The following CHD9 variants were observed in gnomAD, a reference collection of about 807,000 sequenced individuals.
The protein encoded by CHD9 is ATP-dependent chromatin remodeler CHD9.
A neutral mutation model predicts 316.1 loss-of-function variants in CHD9; 77 were observed. That is an observed-to-expected ratio of 0.24 (90% CI 0.20 to 0.29). The LOEUF is 0.29. Among genes scored for constraint, CHD9 ranks in the 10% least tolerant of loss-of-function variants. CHD9 has a pLI of 1.00. For missense variants in CHD9, 2,763 were observed against 3,438.1 expected (o/e 0.80, Z 4.91); for synonymous variants, 1,129 against 1,158.3 (o/e 0.97, Z 0.51).
chr16:53,106,657 T>TACAC lies in CHD9; in HGVS notation c.-164-49249_-164-49246dup, dbSNP rs10538483. Among the ~76,000 whole-genome samples the TACAC allele has an allele frequency of 8.7e-3, 1,304 of 150,694 alleles. 14 individuals are homozygous for TACAC. Among genetic ancestry groups the TACAC allele is most frequent in the Middle Eastern group, 0.041 (12 of 292 alleles). On this transcript the variant is annotated intron_variant, in intron 1 of 38. Coordinates refer to ENST00000447540, the MANE Select transcript of CHD9 (RefSeq NM_001308319.2). ...TGCAACTGCCTCAGACACACATACA[T>TACAC]ACACACACACACACACACACACAGC...
intron 1 of CHD9, among the ~76,000 whole-genome samples, chr16:53,149,900 A>G (rs2040956576): frequency 6.6e-6 from 1 of 151,596 alleles, no homozygotes; most frequent in Non-Finnish European, 1.5e-5. Flanking sequence ...ATTTTGTTTG[A>G]TACTAATATC....
At chr16:53,060,360 C>A (rs559892818) in intron 1 of CHD9, among the ~76,000 whole-genome samples, 1 of 150,566 alleles carries the variant, frequency 6.6e-6, no homozygotes, top group Non-Finnish European at 1.5e-5. Flanking sequence ...ATGCCTGTAG[C>A]CCCAGCACTT....
At chr16:53,299,015 C>A in intron 30 of CHD9, 1 of 170,492 alleles carries the variant, frequency 5.9e-6, no homozygotes. Context: ...TTATCATTTT[C>A]AGACAAGAAT....
In CHD9 at chr16:53,065,985, G is replaced by A. The variant is rs563859175; in HGVS notation, c.-165+10908G>A. ...GCAAATCAGTAATCACAGATGTTGC[G>A]TGCAGTTCACTGATATCTACTCTCC... On this transcript the variant is annotated intron_variant, in intron 1 of 38. Transcript: ENST00000447540. 3.9e-5 allele frequency among the ~76,000 whole-genome samples: 6 copies of A among 152,228 alleles called. No individual in the cohort carries two copies. In the East Asian group the frequency reaches 1.2e-3, roughly 29 times the overall value.
At chr16:53,197,258 C>T (rs1037694564) in intron 2 of CHD9, among the ~76,000 whole-genome samples, 2 of 152,176 alleles carry the variant, frequency 1.3e-5, no homozygotes, top group Admixed American at 6.5e-5. Flanking sequence ...AATGAGATAA[C>T]ATTTAACAGA....
chr16:53,058,556 A>C (rs1329645444), intron 1 of CHD9, among the ~76,000 whole-genome samples: 5 of 152,244 alleles, frequency 3.3e-5, no homozygotes, highest in African/African-American at 1.2e-4. Context: ...TGGCAAGGCC[A>C]GGGGACTCAA....
rs765389436 is a variant in CHD9, at chr16:53,303,749, C to G, written c.5743C>G (p.Pro1915Ala). 4.3e-6 allele frequency: 7 copies of G among 1,610,474 alleles called. No homozygotes were observed. Among genetic ancestry groups the G allele is most frequent in the African/African-American group, 1.3e-5 (1 of 74,930 alleles). Residue 1915 changes from proline (P) to alanine (A), a missense_variant, in exon 31 of 39, where the codon CCC (proline) becomes GCC (alanine). This residue lies in a region of CHD9 where 663 missense variants were observed against 751.2 expected (regional missense o/e 0.88). Coordinates refer to ENST00000447540, the MANE Select transcript of CHD9 (RefSeq NM_001308319.2). ...ELVDPNIFIQ[P>A]ITEERASRTL... ...GGTGGATCCAAATATTTTTATCCAG[C>G]CCATCACAGAAGAACGTGCTTCTAG...
rs1193840342 is a variant in CHD9, at chr16:53,327,482, A to G, written c.*2587A>G. The G allele has an allele frequency of 6.6e-6, 1 of 152,582 alleles. No homozygotes were observed. The highest frequency in any genetic ancestry group is 6.6e-5 in the Admixed American group (1 of 15,264). 9.5% of individuals were successfully genotyped at this position (152,582 alleles called of 1,614,324 possible). ...GAAGTTTAATTATTTTTTATTAAAC[A>G]TATTCTTTGACTACCCATGATGTCA... On this transcript the variant is annotated 3_prime_UTR_variant, in exon 39 of 39. Coordinates refer to ENST00000447540, the MANE Select transcript of CHD9 (RefSeq NM_001308319.2).
chr16:53,120,544 C>T (rs1011121334), intron 1 of CHD9, among the ~76,000 whole-genome samples: 11 of 151,568 alleles, frequency 7.3e-5, no homozygotes, highest in Admixed American at 3.9e-4. Context: ...AACCGGGAGG[C>T]GGAGGCTATG....
chr16:53,162,403 T>G (rs2041974749), intron 2 of CHD9, among the ~76,000 whole-genome samples: 1 of 152,246 alleles, frequency 6.6e-6, no homozygotes, highest in South Asian at 2.1e-4. Flanking sequence ...AGAATAATAC[T>G]CTGAACTTTT....
intron 34 of CHD9, 121 bp from the exon 35 acceptor site, chr16:53,314,256 T>G: frequency 8.1e-6 from 5 of 619,400 alleles, no homozygotes; most frequent in Non-Finnish European, 1.3e-5. Flanking sequence ...AGTCCAAAAG[T>G]TTCTACATTA....
At chr16:53,057,898 G>GT (rs1016204777) in intron 1 of CHD9, among the ~76,000 whole-genome samples, 1 of 152,058 alleles carries the variant, frequency 6.6e-6, no homozygotes, top group African/African-American at 2.4e-5. Context: ...ATGTTTGTGT[G>GT]TTTTTGTTTG....
At chr16:53,274,810 T>C (rs1296377791) in intron 24 of CHD9, among the ~76,000 whole-genome samples, 1 of 152,116 alleles carries the variant, frequency 6.6e-6, no homozygotes, top group Non-Finnish European at 1.5e-5. Context: ...ATGACCAGAA[T>C]ATTGTATGTT....
chr16:53,237,399 A>G (rs1394348430), intron 11 of CHD9, among the ~76,000 whole-genome samples: 1 of 152,156 alleles, frequency 6.6e-6, no homozygotes, highest in Non-Finnish European at 1.5e-5. Context: ...ACCAGAGTAA[A>G]CTTTAAAATA....
intron 1 of CHD9, among the ~76,000 whole-genome samples, chr16:53,155,150 AT>A (rs1290780963): frequency 6.6e-6 from 1 of 152,200 alleles, no homozygotes; most frequent in Admixed American, 6.5e-5. Flanking sequence ...CACCTACTTA[AT>A]TTTTTCTCAG....
chr16:53,268,067 T>C lies in CHD9; in HGVS notation c.4658T>C (p.Ile1553Thr). The change falls in exon 22 of 39, where the codon ATA (isoleucine) becomes ACA (threonine). Residue 1553 changes from isoleucine to threonine, a missense_variant. By Grantham distance (89) the Ile-to-Thr change is moderately conservative. Around this residue, in one of 15 missense-constraint regions of CHD9, gnomAD observed 99 missense variants for 131.6 expected, o/e 0.75. Transcript: ENST00000447540. ...GGAGATGAGAAGATTAAAGGTTTCATATGGGATCTCATTACTCCAACTGAA... is the reference window on the plus strand; with the variant it reads ...GGAGATGAGAAGATTAAAGGTTTCACATGGGATCTCATTACTCCAACTGAA... ...YRGDEKIKGFIWDLITPTEDG... is the reference protein window; with the variant it reads ...YRGDEKIKGFTWDLITPTEDG... 1 of 1,613,238 alleles carries C rather than the reference T, an allele frequency of 6.2e-7. No individual in the cohort carries two copies. The highest frequency in any genetic ancestry group is 8.5e-7 in the Non-Finnish European group (1 of 1,179,534).
At chr16:53,098,490 A>G (rs1038276460) in intron 1 of CHD9, among the ~76,000 whole-genome samples, 5 of 147,708 alleles carry the variant, frequency 3.4e-5, no homozygotes, top group Non-Finnish European at 4.5e-5. Context: ...AAAAAAAAAA[A>G]AAGAAAGAAA....
At chr16:53,219,371 A>G (rs2047040853) in intron 3 of CHD9, among the ~76,000 whole-genome samples, 2 of 152,202 alleles carry the variant, frequency 1.3e-5, no homozygotes, top group South Asian at 4.1e-4. Flanking sequence ...AGTAGTTAAG[A>G]AAAGATTAAA....
At chr16:53,110,949 G>A (rs2037817930) in intron 1 of CHD9, among the ~76,000 whole-genome samples, 1 of 152,176 alleles carries the variant, frequency 6.6e-6, no homozygotes, top group South Asian at 2.1e-4. Context: ...TGGTCAACCT[G>A]ACAGTTTGAG....
Sources: allele counts gnomAD v4.1 joint callset (sites outside exome capture counted in the v4.1 genomes callset), GRCh38; gene constraint gnomAD v4.1.1; regional missense constraint gnomAD v4.1.1; transcripts MANE v1.5; gene names NCBI Gene and HGNC (gene_info 2026-07-23, HGNC 2026-07-21).